Variants in MAP7D1 observed in about 807,000 individuals in gnomAD.
The protein encoded by MAP7D1 is MAP7 domain-containing protein 1.
In MAP7D1, 30 loss-of-function variants were observed where a neutral mutation model predicts 97.5. The ratio of observed to expected loss-of-function variants is 0.31; its 90% CI spans 0.23 to 0.42. The LOEUF is 0.42. MAP7D1 is among the 10% of genes least tolerant of loss of function. The pLI, the probability that MAP7D1 is intolerant of heterozygous loss-of-function variation, is 1.00. For missense variants in MAP7D1, 1,184 were observed against 1,179.5 expected (o/e 1.00, Z -0.06); for synonymous variants, 536 against 477.1 (o/e 1.12, Z -1.61).
chr1:36,179,447 C>G (rs1391939541), intron 13 of MAP7D1, 68 bp from the exon 14 acceptor site: 9 of 1,575,046 alleles, frequency 5.7e-6, no homozygotes, highest in South Asian at 1.2e-5. Flanking sequence ...AGGGGAGGGC[C>G]GAACTCAGTC....
At position 36,180,327 on chromosome 1, in the gene MAP7D1, G is replaced by C; in HGVS notation, c.*69G>C. 1 of 1,609,172 alleles carries C rather than the reference G, an allele frequency of 6.2e-7. No homozygotes were observed. Among genetic ancestry groups the C allele is most frequent in the African/African-American group, 1.3e-5 (1 of 74,942 alleles). Reference sequence around the variant, plus strand: ...GCATCACCTACCAGGATGTCTGGAGGAGAAAAAGACAGAACAAAGATGGAA... The same window carrying C: ...GCATCACCTACCAGGATGTCTGGAGCAGAAAAAGACAGAACAAAGATGGAA... On this transcript the variant is annotated 3_prime_UTR_variant, in exon 17 of 17. Transcript: ENST00000474796.
rs761677602 is a variant in MAP7D1, at chr1:36,176,470, C to T, written c.1122C>T (p.Ser374=). The part of the protein sequence containing the change: ...SASASPLTPC[S]VTRSVHRCAP... ...CCGCCAGCCCCCTGACGCCGTGCAG[C>T]GTCACCCGAAGCGTGCACCGCTGCG... Residue 374 remains serine, a synonymous_variant, in exon 7 of 17, where the codon AGC becomes AGT. Transcript: ENST00000474796. The surrounding 1 kb of genome is among the most constrained non-coding windows in gnomAD (Gnocchi z 6.1). 4.1e-5 allele frequency: 61 copies of T among 1,476,968 alleles called. No homozygotes were observed. In the South Asian group the frequency reaches 7.5e-4, roughly 18 times the overall value. 91.5% of individuals were successfully genotyped at this position (1,476,968 alleles called of 1,614,324 possible). A position where few individuals can be genotyped will look rare whatever the true frequency, so the allele number is the denominator to read the frequency against.
In MAP7D1 at chr1:36,176,474, A is replaced by G; in HGVS notation, c.1126A>G (p.Thr376Ala). The change falls in exon 7 of 17, where the codon ACC (threonine) becomes GCC (alanine). Residue 376 changes from threonine to alanine, a missense_variant. Coordinates refer to ENST00000474796, the MANE Select transcript of MAP7D1 (RefSeq NM_001388490.1). This position sits in a 1 kb window ranked among gnomAD's most constrained non-coding sequence, Gnocchi z 6.1. ...SASPLTPCSV[T>A]RSVHRCAPAG... ...CAGCCCCCTGACGCCGTGCAGCGTC[A>G]CCCGAAGCGTGCACCGCTGCGCCCC... The G allele has an allele frequency of 3.4e-6, 5 of 1,462,274 alleles. No individual in the cohort carries two copies. In the South Asian group the frequency reaches 6.4e-5, roughly 19 times the overall value. 90.6% of individuals were successfully genotyped at this position (1,462,274 alleles called of 1,614,324 possible). A position where few individuals can be genotyped will look rare whatever the true frequency, so the allele number is the denominator to read the frequency against.
At position 36,156,409 on chromosome 1, in the gene MAP7D1, G is replaced by C; in HGVS notation, c.-9G>C. ...CTGAGACCCCGAGACCCCCAGTGAC[G>C]CCGCAGCCATGGAGAGCGGCCCGCG... is the stretch of plus-strand genomic sequence containing the variant. On this transcript the variant is annotated 5_prime_UTR_variant, in exon 1 of 17. Transcript: ENST00000474796. 1 of 1,486,226 alleles carries C rather than the reference G, an allele frequency of 6.7e-7. No homozygotes were observed. Among genetic ancestry groups the C allele is most frequent in the Non-Finnish European group, 8.9e-7 (1 of 1,125,750 alleles). 92.1% of individuals were successfully genotyped at this position (1,486,226 alleles called of 1,614,324 possible).
In MAP7D1 at chr1:36,159,903, C is replaced by T. The variant is rs1033153816; in HGVS notation, c.46+3440C>T. Reference sequence around the variant, plus strand: ...GACAGCTTCCTAGTCCCTTCCTGGGCTGGTGGGCCCAATAATGAGGCCTCT... The same window carrying T: ...GACAGCTTCCTAGTCCCTTCCTGGGTTGGTGGGCCCAATAATGAGGCCTCT... On this transcript the variant is annotated intron_variant, in intron 1 of 16. Coordinates refer to ENST00000474796, the MANE Select transcript of MAP7D1 (RefSeq NM_001388490.1). The surrounding 1 kb of genome is among the most constrained non-coding windows in gnomAD (Gnocchi z 5.4). Among the ~76,000 whole-genome samples the T allele has an allele frequency of 5.9e-5, 9 of 152,214 alleles. No individual in the cohort carries two copies. Among genetic ancestry groups the T allele is most frequent in the African/African-American group, 2.2e-4 (9 of 41,454 alleles).
Position 36,178,405 on chromosome 1 carries a change from G to T in MAP7D1, c.1709-14G>T, listed in dbSNP as rs764174885. ...CGTGGGTGTGCTGACGCCTGATCCC[G>T]GATCCCCCTCCAGACGCTGCTGTCT... On this transcript the variant is annotated splice_polypyrimidine_tract_variant and intron_variant, in intron 9 of 16. Coordinates refer to ENST00000474796, the MANE Select transcript of MAP7D1 (RefSeq NM_001388490.1). 1 of 1,604,472 alleles carries T rather than the reference G, an allele frequency of 6.2e-7. No individual in the cohort carries two copies. The highest frequency in any genetic ancestry group is 1.1e-5 in the South Asian group (1 of 90,546).
chr1:36,178,966 C>T lies in MAP7D1; in HGVS notation c.2071C>T (p.Arg691Cys), dbSNP rs1263976796. 8 of 1,558,420 alleles carry T rather than the reference C, an allele frequency of 5.1e-6. No individual in the cohort carries two copies. The highest frequency in any genetic ancestry group is 6.9e-6 in the Non-Finnish European group (8 of 1,151,600). ...GTCGCGGGAAGAGGCGGAGCGGCAG[C>T]GTCTGGAGCGGGAAAAGCACTTCCA... ...ARSREEAERQ[R>C]LEREKHFQQQ... The change falls in exon 12 of 17, where the codon CGT becomes TGT. Residue 691 changes from arginine (R) to cysteine (C), a missense_variant. Physicochemically the swap from Arg to Cys is radical, Grantham distance 180. Coordinates refer to ENST00000474796, the MANE Select transcript of MAP7D1 (RefSeq NM_001388490.1).
In MAP7D1 at chr1:36,178,214, A is replaced by G. The variant is rs765569966; in HGVS notation, c.1708+13A>G. 9.1e-6 allele frequency: 14 copies of G among 1,543,332 alleles called. No homozygotes were observed. Among genetic ancestry groups the G allele is most frequent in the Non-Finnish European group, 1.1e-5 (13 of 1,144,020 alleles). On this transcript the variant is annotated intron_variant, in intron 9 of 16. Transcript: ENST00000474796. ...GAGACCCCTACAGGTAGGAATGAAG[A>G]GAGGGGAGGGGTGGGCCGAGCGAGA...
chr1:36,173,550 C>G, intron 5 of MAP7D1, 72 bp downstream of exon 5: 10 of 1,201,720 alleles, frequency 8.3e-6, no homozygotes, highest in Non-Finnish European at 1.2e-5. Context: ...GGAACAACTT[C>G]CCTACAAAAA....
At chr1:36,179,432 G>A (rs1644683933) in intron 13 of MAP7D1, 83 bp from the exon 14 acceptor site, 3 of 1,571,652 alleles carry the variant, frequency 1.9e-6, no homozygotes, top group African/African-American at 2.7e-5. Context: ...GCTGCGGCCC[G>A]GGCAAGGGGA....
chr1:36,177,404 C>G, intron 8 of MAP7D1: 1 of 387,900 alleles, frequency 2.6e-6, no homozygotes. Context: ...CGCCCGTAAT[C>G]CCAGCACTTT....
rs1463209922 is a variant in MAP7D1 at position 36,179,960 on chromosome 1, G to A, written c.2405G>A (p.Gly802Glu). The change falls in exon 16 of 17, where the codon GGA (glycine) becomes GAA (glutamate). Residue 802 changes from glycine to glutamate, a missense_variant. Coordinates refer to ENST00000474796, the MANE Select transcript of MAP7D1 (RefSeq NM_001388490.1). ...CAGGAGAATGGCTTCTCCACCAACG[G>A]ACCCTCTGGGGACAAGAGTCTGAGC... The part of the protein sequence containing the change: ...AHQENGFSTN[G>E]PSGDKSLSRT... 2 of 1,614,066 alleles carry A rather than the reference G, an allele frequency of 1.2e-6. No homozygotes were observed. The highest frequency in any genetic ancestry group is 1.7e-6 in the Non-Finnish European group (2 of 1,180,028).
chr1:36,165,406 AGCCACCTT>A lies in MAP7D1; in HGVS notation c.47-5561_47-5554del, dbSNP rs149834894. 1.7e-4 allele frequency among the ~76,000 whole-genome samples: 25 copies of A among 151,368 alleles called. No individual in the cohort carries two copies. The East Asian group carries it at 4.9e-3, about 29-fold the overall frequency. On this transcript the variant is annotated intron_variant, in intron 1 of 16. Transcript: ENST00000474796. ...CCAAATTGCTGGGATTACAGGTGTG[AGCCACCTT>A]GCCTGGCCTTTATTTAATTTTATTT...
chr1:36,156,354 C>A lies in MAP7D1; in HGVS notation c.-64C>A. On this transcript the variant is annotated 5_prime_UTR_variant, in exon 1 of 17. Transcript: ENST00000474796. ...GCGTGATGCGCCGCGGGACCCCTGT[C>A]CTGGCCACTGGCCGCCGCCGCCGCC... is the stretch of plus-strand genomic sequence containing the variant. The A allele has an allele frequency of 7.1e-7, 1 of 1,410,820 alleles. No individual in the cohort carries two copies. The highest frequency in any genetic ancestry group is 9.4e-7 in the Non-Finnish European group (1 of 1,062,586). 87.4% of individuals were successfully genotyped at this position (1,410,820 alleles called of 1,614,324 possible). A position where few individuals can be genotyped will look rare whatever the true frequency, so the allele number is the denominator to read the frequency against.
In MAP7D1 at chr1:36,176,324, AG is replaced by A. The variant is rs2124242872; in HGVS notation, c.980del (p.Gly327AlafsTer44). The A allele has an allele frequency of 6.5e-7, 1 of 1,541,982 alleles. No homozygotes were observed. The highest frequency in any genetic ancestry group is 8.7e-7 in the Non-Finnish European group (1 of 1,145,620). ...GCCCCGCAACGGCCGGGACCAGGGTAGGGGCTGCGACCCTGGGAGAGGCCCC... is the reference window on the plus strand; with the variant it reads ...GCCCCGCAACGGCCGGGACCAGGGTAGGGCTGCGACCCTGGGAGAGGCCCC... ...TLPRNGRDQGRGCDPGRGPTW... is the reference protein window; with the variant it reads ...TLPRNGRDQGXGCDPGRGPTW... On this transcript the variant is annotated frameshift_variant, in exon 7 of 17. Coordinates refer to ENST00000474796, the MANE Select transcript of MAP7D1 (RefSeq NM_001388490.1). LOFTEE classifies it high-confidence loss of function. The surrounding 1 kb of genome is among the most constrained non-coding windows in gnomAD (Gnocchi z 6.1).
rs1170587907 is a variant in MAP7D1 at position 36,159,104 on chromosome 1, C to T, written c.46+2641C>T. Among the ~76,000 whole-genome samples, 1 of 152,100 alleles carries T rather than the reference C, an allele frequency of 6.6e-6. No individual in the cohort carries two copies. Among genetic ancestry groups the T allele is most frequent in the African/African-American group, 2.4e-5 (1 of 41,420 alleles). On this transcript the variant is annotated intron_variant, in intron 1 of 16. Transcript: ENST00000474796. The surrounding 1 kb of genome is among the most constrained non-coding windows in gnomAD (Gnocchi z 5.4). ...CAGAGTCTTGCTCTTGTCACCCAGG[C>T]TGGAGTGCAATGCCACGATCTCGGC...
Position 36,159,420 on chromosome 1 carries a change from T to C in MAP7D1, c.46+2957T>C, listed in dbSNP as rs1644379253. ...AAGCCTGAGATGTGATTGATTAGAA[T>C]TGTAGGAGGTAAGTATAGGACAAGA... On this transcript the variant is annotated intron_variant, in intron 1 of 16. Transcript: ENST00000474796. This position sits in a 1 kb window ranked among gnomAD's most constrained non-coding sequence, Gnocchi z 5.4. 6.6e-6 allele frequency among the ~76,000 whole-genome samples: 1 copy of C among 152,066 alleles called. No homozygotes were observed. Among genetic ancestry groups the C allele is most frequent in the African/African-American group, 2.4e-5 (1 of 41,394 alleles).
Position 36,176,239 on chromosome 1 carries a change from G to A in MAP7D1, c.891G>A (p.Val297=). The A allele has an allele frequency of 6.2e-7, 1 of 1,608,588 alleles. No individual in the cohort carries two copies. Among genetic ancestry groups the A allele is most frequent in the South Asian group, 1.1e-5 (1 of 90,944 alleles). The change falls in exon 7 of 17, where the codon GTG becomes GTA. Residue 297 remains valine, a synonymous_variant. Coordinates refer to ENST00000474796, the MANE Select transcript of MAP7D1 (RefSeq NM_001388490.1). The surrounding 1 kb of genome is among the most constrained non-coding windows in gnomAD (Gnocchi z 6.1). The stretch of plus-strand genomic sequence containing the variant: ...TGAGCGCATGGGAGAGCAGCATCGT[G>A]GATCGTCTGATGACGCCCACTCTCT... ...LQLSAWESSI[V]DRLMTPTLSF...
rs1557783871 is a variant in MAP7D1, at chr1:36,178,639, G to A, written c.1886+43G>A. ...ACTGAGGGGGCCCTCGTGGGCGCTG[G>A]AGAAGAAGCAGAGGCCGAGCCTGAG... On this transcript the variant is annotated intron_variant, in intron 10 of 16. Transcript: ENST00000474796. 2.6e-6 allele frequency: 4 copies of A among 1,541,658 alleles called. No homozygotes were observed. In the South Asian group the frequency reaches 3.6e-5, roughly 14 times the overall value.
Sources: gnomAD v4.1 joint callset for allele counts (sites outside exome capture counted in the v4.1 genomes callset) on GRCh38, gnomAD v4.1.1 for gene constraint, Gnocchi (gnomAD v3.1) non-coding constraint, MANE v1.5 for transcripts, NCBI Gene and HGNC (gene_info 2026-07-23, HGNC 2026-07-21) for gene names.